The following TCF4 variants were observed in gnomAD, a reference collection of about 807,000 sequenced individuals.
The protein encoded by TCF4 is transcription factor 4.
In TCF4, 3 loss-of-function variants were observed where a neutral mutation model predicts 82.1. The ratio of observed to expected loss-of-function variants is 0.04; its 90% CI spans 0.02 to 0.09. TCF4 has a LOEUF of 0.09. TCF4 is among the 10% of genes least tolerant of loss of function. The pLI, the probability that TCF4 is intolerant of heterozygous loss-of-function variation, is 1.00. For synonymous variants in TCF4, 276 were observed against 309.6 expected (o/e 0.89, Z 1.14); for missense variants, 518 against 852.7 (o/e 0.61, Z 4.89).
intron 3 of TCF4, among the ~76,000 whole-genome samples, chr18:55,514,245 C>G (rs2096856834): frequency 6.6e-6 from 1 of 152,112 alleles, no homozygotes; most frequent in Non-Finnish European, 1.5e-5. Context: ...TTAATGGCAT[C>G]CTGTGGTGAC....
intron 4 of TCF4, among the ~76,000 whole-genome samples, chr18:55,463,216 A>C (rs2144852862): frequency 6.6e-6 from 1 of 152,356 alleles, no homozygotes; most frequent in Non-Finnish European, 1.5e-5. Context: ...TAGAGGGCCT[A>C]GCAATGATTC....
At chr18:55,515,514 G>C (rs1401158020) in intron 3 of TCF4, among the ~76,000 whole-genome samples, 2 of 152,194 alleles carry the variant, frequency 1.3e-5, no homozygotes, top group African/African-American at 4.8e-5. Context: ...AATCAGATCA[G>C]TCTTCTGTGT....
chr18:55,269,636 G>T, intron 11 of TCF4, 195 bp downstream of exon 11: 2 of 719,786 alleles, frequency 2.8e-6, no homozygotes, highest in Non-Finnish European at 4.6e-6. Flanking sequence ...AAATTTCAGT[G>T]TCTTGTGACG....
At chr18:55,381,294 A>C (rs997202223) in intron 6 of TCF4, among the ~76,000 whole-genome samples, 2 of 152,202 alleles carry the variant, frequency 1.3e-5, no homozygotes, top group South Asian at 2.1e-4. Context: ...TCTAAGAAAA[A>C]GCTAAATCCA....
At chr18:55,357,403 AT>A (rs2083834006) in intron 6 of TCF4, among the ~76,000 whole-genome samples, 1 of 152,212 alleles carries the variant, frequency 6.6e-6, no homozygotes, top group Non-Finnish European at 1.5e-5. Context: ...CAGGAAGTTC[AT>A]TTAATATATA....
intron 3 of TCF4, among the ~76,000 whole-genome samples, chr18:55,474,257 T>G (rs1284083249): frequency 6.6e-6 from 1 of 152,164 alleles, no homozygotes; most frequent in Non-Finnish European, 1.5e-5. Flanking sequence ...TTGCCTAAAT[T>G]TACAGTGTGA....
chr18:55,601,744 A>G (rs1159345786), intron 2 of TCF4, among the ~76,000 whole-genome samples: 1 of 152,164 alleles, frequency 6.6e-6, no homozygotes, highest in Non-Finnish European at 1.5e-5. Flanking sequence ...AGATCATGCC[A>G]CTGCACTCCA....
intron 14 of TCF4, among the ~76,000 whole-genome samples, chr18:55,256,285 T>A (rs909718311): frequency 2.0e-5 from 3 of 152,114 alleles, no homozygotes; most frequent in Non-Finnish European, 2.9e-5. Flanking sequence ...TACAGTTCTA[T>A]AGTTGGACGA....
rs533160424 is a variant in TCF4 at position 55,275,275 on chromosome 18, GAAAAAAAAAAAAA to G, written c.789+331_789+343del. Among the ~76,000 whole-genome samples the G allele has an allele frequency of 5.0e-4, 36 of 71,368 alleles. 1 individual carries two copies. Among genetic ancestry groups the G allele is most frequent in the Non-Finnish European group, 5.4e-5 (2 of 37,178 alleles). 46.8% of individuals were successfully genotyped at this position (71,368 alleles called of 152,430 possible). A position where few individuals can be genotyped will look rare whatever the true frequency, so the allele number is the denominator to read the frequency against. The stretch of plus-strand genomic sequence containing the variant: ...AGTACATCTTTTGAAACTACAGATA[GAAAAAAAAAAAAA>G]AAAAAAAAAACCAGGAACCACCATG... On this transcript the variant is annotated intron_variant, in intron 10 of 19. Transcript: ENST00000354452.
chr18:55,512,073 A>C (rs1210950826), intron 3 of TCF4, among the ~76,000 whole-genome samples: 1 of 152,160 alleles, frequency 6.6e-6, no homozygotes, highest in South Asian at 2.1e-4. Flanking sequence ...ACAACCAGAT[A>C]CTATGTCGAC....
chr18:55,635,608 A>C, intron 1 of TCF4: 1 of 1,437,962 alleles, frequency 7.0e-7, no homozygotes, highest in Non-Finnish European at 9.2e-7. Context: ...GAGAGCTAGA[A>C]ACTACCGTTA....
At chr18:55,504,081 G>A (rs1014695633) in intron 3 of TCF4, among the ~76,000 whole-genome samples, 9 of 152,024 alleles carry the variant, frequency 5.9e-5, no homozygotes, top group African/African-American at 1.9e-4. Flanking sequence ...AACAAAAAAA[G>A]GAATCTATTC....
intron 3 of TCF4, among the ~76,000 whole-genome samples, chr18:55,468,888 C>CG (rs1568136777): frequency 9.6e-5 from 12 of 125,386 alleles, no homozygotes; most frequent in East Asian, 7.3e-4. Flanking sequence ...CTCGCCCCCC[C>CG]CCCCCTTGTT....
intron 5 of TCF4, among the ~76,000 whole-genome samples, chr18:55,444,647 C>T (rs1396134882): frequency 6.6e-6 from 1 of 152,132 alleles, no homozygotes; most frequent in Non-Finnish European, 1.5e-5. Context: ...CAACAAATTG[C>T]CTTGTTGGTG....
At chr18:55,440,704 T>C (rs2095422915) in intron 5 of TCF4, among the ~76,000 whole-genome samples, 1 of 152,202 alleles carries the variant, frequency 6.6e-6, no homozygotes, top group South Asian at 2.1e-4. Flanking sequence ...TTTTCTGATA[T>C]TCTCAACATC....
intron 15 of TCF4, among the ~76,000 whole-genome samples, chr18:55,237,076 G>C (rs1335767599): frequency 6.6e-6 from 1 of 152,176 alleles, no homozygotes; most frequent in Non-Finnish European, 1.5e-5. Flanking sequence ...AAGAGAAAAA[G>C]AGAACCCATG....
chr18:55,403,132 G>A (rs2093918661), intron 6 of TCF4, among the ~76,000 whole-genome samples: 1 of 152,128 alleles, frequency 6.6e-6, no homozygotes, highest in Non-Finnish European at 1.5e-5. Context: ...AAATTCTTAA[G>A]TTCTTAATTG....
intron 3 of TCF4, among the ~76,000 whole-genome samples, chr18:55,515,901 G>A (rs1422360681): frequency 6.6e-6 from 1 of 152,134 alleles, no homozygotes; most frequent in Non-Finnish European, 1.5e-5. Context: ...ATGCTGAAGA[G>A]TCAGGAGAGA....
intron 5 of TCF4, among the ~76,000 whole-genome samples, chr18:55,442,462 A>G (rs2095455217): frequency 6.6e-6 from 1 of 152,162 alleles, no homozygotes; most frequent in African/African-American, 2.4e-5. Flanking sequence ...GAAAAATATA[A>G]CTTTATTTTA....
Sources: gnomAD v4.1 joint callset for allele counts (sites outside exome capture counted in the v4.1 genomes callset) on GRCh38, gnomAD v4.1.1 for gene constraint, MANE v1.5 for transcripts, NCBI Gene and HGNC (gene_info 2026-07-23, HGNC 2026-07-21) for gene names.